The following SLC9A7 variants were observed in gnomAD, a reference collection of about 807,000 sequenced individuals.
SLC9A7 encodes sodium/hydrogen exchanger 7.
A neutral mutation model predicts 52.6 loss-of-function variants in SLC9A7; 19 were observed. The ratio of observed to expected loss-of-function variants is 0.36; its 90% CI spans 0.25 to 0.53. The LOEUF (loss-of-function observed/expected upper bound fraction) is 0.53. SLC9A7 is among the 20% of genes least tolerant of loss of function. The probability of loss-of-function intolerance (pLI) is 0.91; values close to 1 mark genes in which losing one functional copy is unlikely to be tolerated. For synonymous variants in SLC9A7, 226 were observed against 252.1 expected, an observed-to-expected ratio of 0.90 and a Z score of 0.98; for missense variants, 455 against 597.9, an observed-to-expected ratio of 0.76 and a Z score of 2.49.
In SLC9A7 at chrX:46,758,743, A is replaced by T. The variant is rs1184790248; in HGVS notation, c.287T>A (p.Val96Glu). 2 of 1,196,194 alleles carry T rather than the reference A, an allele frequency of 1.7e-6. No individual in the cohort carries two copies. The highest frequency in any genetic ancestry group is 3.5e-5 in the African/African-American group (2 of 56,574). Residue 96 changes from valine (V) to glutamate (E), a missense_variant, in exon 1 of 17, where the codon GTG becomes GAG. By Grantham distance (121) the Val-to-Glu change is moderately radical. This residue lies in a region of SLC9A7 where 304 missense variants were observed against 417.8 expected (regional missense o/e 0.73). Transcript: ENST00000616978. ...LTIWLFKHRR[V>E]RFLHETGLAM... Reference sequence around the variant, plus strand: ...CAGCCCGGTCTCGTGCAGAAAGCGCACCCGGCGGTGCTTGAAGAGCCAGAT... The same window carrying T: ...CAGCCCGGTCTCGTGCAGAAAGCGCTCCCGGCGGTGCTTGAAGAGCCAGAT...
intron 13 of SLC9A7, among the ~76,000 whole-genome samples, chrX:46,633,351 A>AAAAAAAAAAAAAAAC (rs1943255929): frequency 1.2e-5 from 1 of 84,019 alleles, no homozygotes. Context: ...AAAAAAAAAA[A>AAAAAAAAAAAAAAAC]AAAAAAAAAA....
At chrX:46,699,484 C>T (rs1285308998) in intron 1 of SLC9A7, among the ~76,000 whole-genome samples, 5 of 111,759 alleles carry the variant, frequency 4.5e-5, no homozygotes, top group African/African-American at 1.6e-4. Flanking sequence ...TTACTGAGTT[C>T]AATATGGTAT....
At chrX:46,670,756 T>C (rs748962899) in intron 4 of SLC9A7, among the ~76,000 whole-genome samples, 3 of 112,391 alleles carry the variant, frequency 2.7e-5, no homozygotes, top group South Asian at 3.7e-4. Flanking sequence ...TGCTTGCCTA[T>C]TGTGTGCCAG....
At chrX:46,710,038 T>C (rs1052502180) in intron 1 of SLC9A7, among the ~76,000 whole-genome samples, 1 of 112,619 alleles carries the variant, frequency 8.9e-6, no homozygotes, top group African/African-American at 3.2e-5. Context: ...GTTTTTCAGT[T>C]TGCCTTCTAA....
intron 1 of SLC9A7, among the ~76,000 whole-genome samples, chrX:46,709,613 C>A (rs756094466): frequency 2.9e-4 from 32 of 108,708 alleles, no homozygotes; most frequent in African/African-American, 4.0e-4. Context: ...ACAACAACAA[C>A]AAAAAAAAAC....
At chrX:46,659,173 A>G (rs923780024) in intron 7 of SLC9A7, among the ~76,000 whole-genome samples, 4 of 111,745 alleles carry the variant, frequency 3.6e-5, no homozygotes, top group Admixed American at 1.9e-4. Context: ...AAACTCAACA[A>G]CCTTCATGCT....
chrX:46,712,797 T>C (rs1333157782), intron 1 of SLC9A7, among the ~76,000 whole-genome samples: 2 of 112,179 alleles, frequency 1.8e-5, no homozygotes, highest in Non-Finnish European at 3.8e-5. Context: ...TCACTACATT[T>C]ACAAAATGTT....
At chrX:46,733,823 A>G (rs2146984650) in intron 1 of SLC9A7, among the ~76,000 whole-genome samples, 1 of 111,869 alleles carries the variant, frequency 8.9e-6, no homozygotes, top group South Asian at 3.7e-4. Context: ...GCAGTGAAAA[A>G]AAAACAAAGA....
At chrX:46,637,304 C>A (rs773316580) in intron 12 of SLC9A7, among the ~76,000 whole-genome samples, 1 of 112,187 alleles carries the variant, frequency 8.9e-6, no homozygotes, top group Non-Finnish European at 1.9e-5. Flanking sequence ...AGCCTCAGCT[C>A]TTCCTCTTAT....
Position 46,606,738 on chromosome X carries a change from G to T in SLC9A7, c.*214C>A. The T allele has an allele frequency of 9.3e-7, 1 of 1,077,116 alleles. No homozygotes were observed. The allele number at this position is 1,077,116 out of a possible 1,213,427, so 88.8% of individuals were successfully genotyped here. A position where few individuals can be genotyped will look rare whatever the true frequency, so the allele number is the denominator to read the frequency against. ...AGCGCACTACTATGTGAAAAAAGTG[G>T]GAATAGGTCTACGTTTGTCTGAATT... On this transcript the variant is annotated 3_prime_UTR_variant, in exon 17 of 17. Coordinates refer to ENST00000616978, the MANE Select transcript of SLC9A7 (RefSeq NM_001257291.2).
At chrX:46,719,664 C>A (rs990238347) in intron 1 of SLC9A7, among the ~76,000 whole-genome samples, 1 of 111,437 alleles carries the variant, frequency 9.0e-6, no homozygotes, top group African/African-American at 3.3e-5. Flanking sequence ...CCTACTCTAG[C>A]TTAAGGTTTG....
In SLC9A7 at chrX:46,671,444, G is replaced by T. The variant is rs771833424; in HGVS notation, c.680+1107C>A. 2.1e-3 allele frequency among the ~76,000 whole-genome samples: 227 copies of T among 107,380 alleles called. 2 individuals carry two copies. In the South Asian group the frequency reaches 0.041, roughly 19 times the overall value. 93.2% of individuals were successfully genotyped at this position (107,380 alleles called of 115,157 possible). Reference sequence around the variant, plus strand: ...CCCGGCTAATTTTTTTTTTTTTTTGGATTTTTAGTAGAGACGGGGTTTCAC... The same window carrying T: ...CCCGGCTAATTTTTTTTTTTTTTTGTATTTTTAGTAGAGACGGGGTTTCAC... On this transcript the variant is annotated intron_variant, in intron 4 of 16. Transcript: ENST00000616978.
Position 46,602,078 on chromosome X carries a change from A to G in SLC9A7, c.*4874T>C, listed in dbSNP as rs1326856027. 1.8e-5 allele frequency: 2 copies of G among 110,684 alleles called. No homozygotes were observed. Among genetic ancestry groups the G allele is most frequent in the African/African-American group, 6.6e-5 (2 of 30,418 alleles). 9.1% of individuals were successfully genotyped at this position (110,684 alleles called of 1,213,427 possible). A position where few individuals can be genotyped will look rare whatever the true frequency, so the allele number is the denominator to read the frequency against. On this transcript the variant is annotated 3_prime_UTR_variant, in exon 17 of 17. Coordinates refer to ENST00000616978, the MANE Select transcript of SLC9A7 (RefSeq NM_001257291.2). ...AAAAAAAAAAACAAAACAGCTTCCC[A>G]GAAACCTTCATGCTTGATTAGTTAG...
At chrX:46,699,652 C>T (rs756524868) in intron 1 of SLC9A7, among the ~76,000 whole-genome samples, 37 of 111,360 alleles carry the variant, frequency 3.3e-4, no homozygotes, top group Non-Finnish European at 6.2e-4. Flanking sequence ...CTAGCTCTGC[C>T]ACTAATAAAT....
At chrX:46,660,035 G>T (rs1456199062) in intron 7 of SLC9A7, among the ~76,000 whole-genome samples, 1 of 109,050 alleles carries the variant, frequency 9.2e-6, no homozygotes, top group Non-Finnish European at 1.9e-5. Flanking sequence ...TAGATCAATG[G>T]AACAGAACAG....
chrX:46,612,964 A>T (rs867959404), intron 16 of SLC9A7, among the ~76,000 whole-genome samples: 3 of 94,290 alleles, frequency 3.2e-5, no homozygotes, highest in Non-Finnish European at 6.2e-5. Flanking sequence ...AAAAAAAAAA[A>T]AGAGAGAGAG....
intron 1 of SLC9A7, among the ~76,000 whole-genome samples, chrX:46,739,094 C>T (rs773430819): frequency 8.9e-6 from 1 of 111,937 alleles, no homozygotes; most frequent in African/African-American, 3.2e-5. Flanking sequence ...GATAAGCTTA[C>T]AAAATAGCTG....
intron 7 of SLC9A7, among the ~76,000 whole-genome samples, chrX:46,656,031 G>C (rs1397101576): frequency 1.8e-5 from 2 of 110,801 alleles, no homozygotes; most frequent in African/African-American, 3.3e-5. Context: ...ATCTGAGAAC[G>C]GGCAGACTGC....
At chrX:46,668,922 CT>C (rs1337355757) in intron 5 of SLC9A7, among the ~76,000 whole-genome samples, 2 of 111,584 alleles carry the variant, frequency 1.8e-5, no homozygotes, top group African/African-American at 6.5e-5. Context: ...AATCCCAGCA[CT>C]TTGGGAGGCC....
Sources: allele counts gnomAD v4.1 joint callset (sites outside exome capture counted in the v4.1 genomes callset), GRCh38; gene constraint gnomAD v4.1.1; regional missense constraint gnomAD v4.1.1; transcripts MANE v1.5; gene names NCBI Gene and HGNC (gene_info 2026-07-23, HGNC 2026-07-21).